Variants in PDGFRL observed in about 807,000 individuals in gnomAD.
PDGFRL encodes the protein platelet derived growth factor receptor like.
A neutral mutation model predicts 37.2 loss-of-function variants in PDGFRL; 46 were observed. The observed-to-expected ratio is 1.24, with a 90% CI of 0.98 to 1.58. The LOEUF (loss-of-function observed/expected upper bound fraction) is 1.58. Ranked by LOEUF, PDGFRL falls within the 40% of genes most tolerant of loss-of-function variation. PDGFRL has a pLI of 0.00. For missense variants in PDGFRL, 692 were observed against 467.6 expected (o/e 1.48, Z -4.43); for synonymous variants, 251 against 184.3 (o/e 1.36, Z -2.93).
At chr8:17,640,810 G>T (rs985097850) in intron 5 of PDGFRL, among the ~76,000 whole-genome samples, 1 of 152,158 alleles carries the variant, frequency 6.6e-6, no homozygotes, top group Non-Finnish European at 1.5e-5. Context: ...GGGAGGATCA[G>T]GTGGTGGGCA....
Position 17,593,395 on chromosome 8 carries a change from C to T in PDGFRL, c.353+3630C>T, listed in dbSNP as rs891337438. Among the ~76,000 whole-genome samples the T allele has an allele frequency of 2.0e-5, 3 of 150,794 alleles. No homozygotes were observed. In the Admixed American group the frequency reaches 2.0e-4, roughly 10 times the overall value. ...TCACTTGAACCCAGGAGTTCAAGAC[C>T]AGCTTGGGCAACATGATGAAACCAT... On this transcript the variant is annotated intron_variant, in intron 2 of 5. Transcript: ENST00000251630.
At chr8:17,620,760 A>G (rs1804613594) in intron 2 of PDGFRL, among the ~76,000 whole-genome samples, 1 of 152,350 alleles carries the variant, frequency 6.6e-6, no homozygotes, top group South Asian at 2.1e-4. Context: ...TATTACGCTG[A>G]AAAGCCGAAT....
Position 17,638,613 on chromosome 8 carries a change from T to G in PDGFRL, c.940-4000T>G, listed in dbSNP as rs533347834. On this transcript the variant is annotated intron_variant, in intron 5 of 5. Transcript: ENST00000251630. The stretch of plus-strand genomic sequence containing the variant: ...TTGTTTCTTTGTTGATGTTCTGTCT[T>G]GATTACCTATCTATTGCTGACAGTG... Among the ~76,000 whole-genome samples the G allele has an allele frequency of 1.4e-4, 21 of 151,464 alleles. No individual in the cohort carries two copies. The South Asian group carries it at 4.2e-3, about 30-fold the overall frequency.
At chr8:17,605,686 C>T (rs1299578456) in intron 2 of PDGFRL, among the ~76,000 whole-genome samples, 2 of 152,212 alleles carry the variant, frequency 1.3e-5, no homozygotes, top group Non-Finnish European at 2.9e-5. Context: ...AACATCACAG[C>T]AGTAAAAACA....
intron 3 of PDGFRL, among the ~76,000 whole-genome samples, chr8:17,625,726 T>C (rs571097025): frequency 3.9e-5 from 6 of 152,328 alleles, no homozygotes; most frequent in African/African-American, 1.2e-4. Context: ...CATTGGCTCA[T>C]GCCTGTAATC....
chr8:17,601,058 A>G (rs1467292429), intron 2 of PDGFRL, among the ~76,000 whole-genome samples: 1 of 152,196 alleles, frequency 6.6e-6, no homozygotes, highest in Non-Finnish European at 1.5e-5. Context: ...AGTTCAGAGA[A>G]TGGCACTAAT....
intron 2 of PDGFRL, among the ~76,000 whole-genome samples, chr8:17,615,422 C>A (rs1048538613): frequency 3.9e-5 from 6 of 152,034 alleles, no homozygotes; most frequent in Non-Finnish European, 4.4e-5. Flanking sequence ...GGATGAAAAT[C>A]CATGCCCTCT....
At chr8:17,613,877 T>G (rs1804471441) in intron 2 of PDGFRL, among the ~76,000 whole-genome samples, 1 of 152,028 alleles carries the variant, frequency 6.6e-6, no homozygotes, top group Non-Finnish European at 1.5e-5. Context: ...AAAGCTACCT[T>G]AAAAATAATA....
chr8:17,624,238 G>A (rs1277788231), intron 3 of PDGFRL, among the ~76,000 whole-genome samples: 1 of 152,162 alleles, frequency 6.6e-6, no homozygotes, highest in African/African-American at 2.4e-5. Context: ...TACCCATGTG[G>A]AGAAATGTTT....
At chr8:17,637,204 C>A (rs1304528206) in intron 5 of PDGFRL, among the ~76,000 whole-genome samples, 1 of 152,190 alleles carries the variant, frequency 6.6e-6, no homozygotes, top group Non-Finnish European at 1.5e-5. Flanking sequence ...GAAATGCTTT[C>A]AACTTTTTCC....
intron 5 of PDGFRL, among the ~76,000 whole-genome samples, chr8:17,639,979 TTC>T (rs1185806101): frequency 6.6e-6 from 1 of 152,216 alleles, no homozygotes; most frequent in Non-Finnish European, 1.5e-5. Context: ...TTCTTTTAAA[TTC>T]TTTTTTGTTT....
intron 1 of PDGFRL, among the ~76,000 whole-genome samples, chr8:17,587,384 T>G (rs1329128281): frequency 6.6e-6 from 1 of 152,192 alleles, no homozygotes; most frequent in Non-Finnish European, 1.5e-5. Context: ...CCATAGGATT[T>G]ACAGATGGTT....
chr8:17,582,018 A>G (rs907386392), intron 1 of PDGFRL, among the ~76,000 whole-genome samples: 3 of 152,118 alleles, frequency 2.0e-5, no homozygotes, highest in Admixed American at 2.0e-4. Context: ...GAAAGTTTGG[A>G]ATTTCTTAGA....
intron 2 of PDGFRL, among the ~76,000 whole-genome samples, chr8:17,606,886 G>GTTTTTTTTTTTTTTTTTTT (rs371085758): frequency 7.2e-6 from 1 of 138,262 alleles, no homozygotes. Context: ...TTCGTTTTTT[G>GTTTTTTTTTTTTTTTTTTT]TTTTTTTGTT....
chr8:17,596,009 G>A (rs747377950), intron 2 of PDGFRL, among the ~76,000 whole-genome samples: 13 of 152,204 alleles, frequency 8.5e-5, no homozygotes, highest in Non-Finnish European at 1.0e-4. Context: ...AGATGGGGCC[G>A]TTGACAAGAG....
intron 1 of PDGFRL, among the ~76,000 whole-genome samples, chr8:17,580,958 CGT>C (rs59628100): frequency 0.61 from 90,030 of 148,542 alleles, 27,203 homozygotes; most frequent in East Asian, 0.76. Context: ...CATTTTCATA[CGT>C]GTGTGTGTGT....
chr8:17,599,620 G>A (rs570093756), intron 2 of PDGFRL, among the ~76,000 whole-genome samples: 2 of 152,312 alleles, frequency 1.3e-5, no homozygotes, highest in South Asian at 2.1e-4. Context: ...CCACGTGGCC[G>A]TGGCTGCCAG....
At chr8:17,588,017 C>G (rs1350744333) in intron 1 of PDGFRL, among the ~76,000 whole-genome samples, 1 of 152,070 alleles carries the variant, frequency 6.6e-6, no homozygotes, top group Non-Finnish European at 1.5e-5. Flanking sequence ...GGTGGCCCAC[C>G]ACAGGCAGAA....
chr8:17,606,635 C>T (rs1287236287), intron 2 of PDGFRL, among the ~76,000 whole-genome samples: 2 of 152,102 alleles, frequency 1.3e-5, no homozygotes, highest in African/African-American at 4.8e-5. Flanking sequence ...CAAGACTTCC[C>T]CCAGTGTACT....
Sources: gnomAD v4.1 joint callset for allele counts (sites outside exome capture counted in the v4.1 genomes callset) on GRCh38, gnomAD v4.1.1 for gene constraint, MANE v1.5 for transcripts, NCBI Gene and HGNC (gene_info 2026-07-23, HGNC 2026-07-21) for gene names.